HOOK3: variants seen among roughly 807,000 people sequenced by gnomAD.
The protein encoded by HOOK3 is hook microtubule tethering protein 3.
HOOK3 carries 24 observed loss-of-function variants against 116.3 expected under a neutral mutation model. The observed-to-expected ratio is 0.21, with a 90% CI of 0.15 to 0.29. The LOEUF (loss-of-function observed/expected upper bound fraction) is 0.29. HOOK3 is among the 10% of genes least tolerant of loss of function. The pLI, the probability that HOOK3 is intolerant of heterozygous loss-of-function variation, is 1.00. For synonymous variants in HOOK3, 275 were observed against 283.0 expected (o/e 0.97, Z 0.28); for missense variants, 632 against 830.2 (o/e 0.76, Z 2.93).
At chr8:42,916,748 C>A (rs1476564976) in intron 2 of HOOK3, among the ~76,000 whole-genome samples, 1 of 152,190 alleles carries the variant, frequency 6.6e-6, no homozygotes, top group Non-Finnish European at 1.5e-5. Flanking sequence ...TTTCTAACAA[C>A]TTTGTATCAA....
intron 13 of HOOK3, among the ~76,000 whole-genome samples, chr8:42,975,716 C>T (rs759230899): frequency 2.0e-5 from 3 of 152,102 alleles, no homozygotes; most frequent in Non-Finnish European, 2.9e-5. Flanking sequence ...AAGATAGATA[C>T]ATATGTTGAG....
intron 5 of HOOK3, among the ~76,000 whole-genome samples, chr8:42,949,910 TG>T (rs1808307072): frequency 6.7e-6 from 1 of 149,820 alleles, no homozygotes; most frequent in African/African-American, 2.5e-5. Context: ...AGTGAGACTC[TG>T]TCTAAAAAAA....
chr8:42,900,407 C>CA (rs984462062), intron 1 of HOOK3, among the ~76,000 whole-genome samples: 1 of 152,036 alleles, frequency 6.6e-6, no homozygotes, highest in African/African-American at 2.4e-5. Flanking sequence ...CAAGTTATGA[C>CA]AAAAAAAGTC....
intron 17 of HOOK3, 125 bp downstream of exon 17, chr8:43,002,266 A>G: frequency 3.2e-6 from 2 of 630,034 alleles, no homozygotes; most frequent in East Asian, 2.8e-5. Context: ...ATTATAATAC[A>G]TATTATGAGA....
Position 43,026,185 on chromosome 8 carries a change from C to T in HOOK3, c.*7687C>T, listed in dbSNP as rs1809930391. The T allele has an allele frequency of 1.5e-5, 3 of 204,004 alleles. No individual in the cohort carries two copies. The South Asian group carries it at 5.7e-4, about 39-fold the overall frequency. 12.6% of individuals were successfully genotyped at this position (204,004 alleles called of 1,614,324 possible). On this transcript the variant is annotated 3_prime_UTR_variant, in exon 22 of 22. Transcript: ENST00000307602. Reference sequence around the variant, plus strand: ...TTAATAAAAAGGACTCATGTTTATTCTGGTGTATTTGTCAACCCATGGGTA... The same window carrying T: ...TTAATAAAAAGGACTCATGTTTATTTTGGTGTATTTGTCAACCCATGGGTA...
At chr8:42,989,992 TTTTTA>T (rs1414999594) in intron 15 of HOOK3, among the ~76,000 whole-genome samples, 2 of 152,124 alleles carry the variant, frequency 1.3e-5, no homozygotes, top group Non-Finnish European at 2.9e-5. Context: ...CCTATTAATT[TTTTTA>T]TTTTATTTTA....
At chr8:42,943,094 G>A (rs932814361) in intron 4 of HOOK3, among the ~76,000 whole-genome samples, 1 of 150,844 alleles carries the variant, frequency 6.6e-6, no homozygotes, top group African/African-American at 2.4e-5. Context: ...TTTTTTGCTC[G>A]ATGTACATGC....
chr8:42,983,895 T>C (rs1036234386), intron 14 of HOOK3, among the ~76,000 whole-genome samples: 28 of 152,226 alleles, frequency 1.8e-4, no homozygotes, highest in African/African-American at 6.0e-4. Flanking sequence ...TTTTACCTTT[T>C]TGGGGCCTAT....
At chr8:42,990,955 C>A (rs929494242) in intron 15 of HOOK3, among the ~76,000 whole-genome samples, 1 of 152,092 alleles carries the variant, frequency 6.6e-6, no homozygotes, top group Non-Finnish European at 1.5e-5. Context: ...ATCTTTGATC[C>A]ATTTTGATTG....
At chr8:43,009,260 G>A (rs1331173926) in intron 18 of HOOK3, among the ~76,000 whole-genome samples, 3 of 152,050 alleles carry the variant, frequency 2.0e-5, no homozygotes, top group Non-Finnish European at 4.4e-5. Context: ...CAAAAAATTA[G>A]CCGGGGGTGG....
chr8:42,919,747 C>T (rs1807616923), intron 2 of HOOK3, among the ~76,000 whole-genome samples: 3 of 152,186 alleles, frequency 2.0e-5, no homozygotes, highest in African/African-American at 7.2e-5. Context: ...TGGAGACCAG[C>T]CCAGCCAACA....
chr8:42,991,300 A>G (rs938732367), intron 15 of HOOK3, among the ~76,000 whole-genome samples: 1 of 151,070 alleles, frequency 6.6e-6, no homozygotes, highest in African/African-American at 2.4e-5. Flanking sequence ...TATAAATTTT[A>G]GGATTGTTTT....
At chr8:42,921,531 T>A (rs1807657581) in intron 2 of HOOK3, among the ~76,000 whole-genome samples, 1 of 152,236 alleles carries the variant, frequency 6.6e-6, no homozygotes, top group South Asian at 2.1e-4. Context: ...AGAACACTTT[T>A]GGGGGTTGTC....
intron 16 of HOOK3, 117 bp downstream of exon 16, chr8:42,997,754 A>T (rs111411928): frequency 1.4e-6 from 1 of 695,082 alleles, no homozygotes. Flanking sequence ...GGTTATAGAA[A>T]AGAAATAGTG....
chr8:42,927,120 T>G (rs1340004914), intron 3 of HOOK3, among the ~76,000 whole-genome samples: 1 of 152,260 alleles, frequency 6.6e-6, no homozygotes, highest in Non-Finnish European at 1.5e-5. Flanking sequence ...GAGTTGTCTT[T>G]GTATTTTCCC....
At chr8:42,937,124 A>G (rs767855833) in intron 4 of HOOK3, among the ~76,000 whole-genome samples, 81 of 152,074 alleles carry the variant, frequency 5.3e-4, no homozygotes, top group Admixed American at 1.4e-3. Context: ...TAGAGGATGT[A>G]TGTGTCTAGG....
intron 14 of HOOK3, among the ~76,000 whole-genome samples, chr8:42,984,899 T>TG (rs1252329049): frequency 6.6e-6 from 1 of 152,092 alleles, no homozygotes; most frequent in Non-Finnish European, 1.5e-5. Context: ...AGATTCTGTC[T>TG]GAAAAAAAAG....
In HOOK3 at chr8:43,020,796, A is replaced by G; in HGVS notation, c.*2298A>G. 5.4e-6 allele frequency: 1 copy of G among 183,518 alleles called. No homozygotes were observed. Among genetic ancestry groups the G allele is most frequent in the Non-Finnish European group, 1.2e-5 (1 of 86,380 alleles). 11.4% of individuals were successfully genotyped at this position (183,518 alleles called of 1,614,324 possible). On this transcript the variant is annotated 3_prime_UTR_variant, in exon 22 of 22. Coordinates refer to ENST00000307602, the MANE Select transcript of HOOK3 (RefSeq NM_032410.4). ...AAAATTTTGGGAAAATTGTACCTGC[A>G]GAATATGATGGATGAAAACAACAGC...
At chr8:42,937,852 G>C (rs2130375230) in intron 4 of HOOK3, among the ~76,000 whole-genome samples, 1 of 152,298 alleles carries the variant, frequency 6.6e-6, no homozygotes, top group Admixed American at 6.5e-5. Flanking sequence ...GTGCTGAGAA[G>C]AATGTATATT....
Sources: allele counts gnomAD v4.1 joint callset (sites outside exome capture counted in the v4.1 genomes callset), GRCh38; gene constraint gnomAD v4.1.1; transcripts MANE v1.5; gene names NCBI Gene and HGNC (gene_info 2026-07-23, HGNC 2026-07-21).